CENPW: variants seen among roughly 807,000 people sequenced by gnomAD.
CENPW encodes cancer-up-regulated gene 2 protein.
Under a neutral mutation model 11.1 loss-of-function variants are expected in CENPW, and 3 were observed. The observed-to-expected ratio is 0.27, with a 90% CI of 0.12 to 0.70. The LOEUF is 0.70. CENPW is among the 30% of genes least tolerant of loss of function. The pLI is 0.77. For synonymous variants in CENPW, 38 were observed against 42.0 expected, an observed-to-expected ratio of 0.91 and a Z score of 0.37; for missense variants, 100 against 105.6, an observed-to-expected ratio of 0.95 and a Z score of 0.23.
chr6:126,373,720 C>A, the CENPW span, among the ~76,000 whole-genome samples: 2 of 152,196 alleles, frequency 1.3e-5, no homozygotes, highest in Non-Finnish European at 2.9e-5. Flanking sequence ...GCCTCTTTGG[C>A]CTGCACCTCT....
the CENPW span, among the ~76,000 whole-genome samples, chr6:126,376,680 C>T: frequency 6.6e-6 from 1 of 152,092 alleles, no homozygotes; most frequent in African/African-American, 2.4e-5. Flanking sequence ...TGTGGCTAGT[C>T]ACAAATCATG....
chr6:126,448,802 A>G, the CENPW span, among the ~76,000 whole-genome samples: 1 of 151,068 alleles, frequency 6.6e-6, no homozygotes, highest in Admixed American at 6.6e-5. Flanking sequence ...AAAGAAATAA[A>G]CCAAAAAAAC....
At chr6:126,421,980 A>AC in the CENPW span, among the ~76,000 whole-genome samples, 1 of 152,234 alleles carries the variant, frequency 6.6e-6, no homozygotes, top group South Asian at 2.1e-4. Flanking sequence ...CAGGAAAAAA[A>AC]TTAAGGAAAT....
At chr6:126,360,863 A>G in the CENPW span, among the ~76,000 whole-genome samples, 1 of 152,178 alleles carries the variant, frequency 6.6e-6, no homozygotes, top group African/African-American at 2.4e-5. Flanking sequence ...ACTTTCTGAT[A>G]AATCTCAATG....
the CENPW span, among the ~76,000 whole-genome samples, chr6:126,478,814 CTCTT>C: frequency 6.6e-6 from 1 of 151,966 alleles, no homozygotes; most frequent in East Asian, 1.9e-4. Flanking sequence ...ATCCTCTTGG[CTCTT>C]TCTTACTCTC....
the CENPW span, among the ~76,000 whole-genome samples, chr6:126,441,759 C>T: frequency 6.6e-6 from 1 of 151,616 alleles, no homozygotes; most frequent in Non-Finnish European, 1.5e-5. Context: ...CCAATTCCAT[C>T]CACGTTTCTG....
chr6:126,433,557 G>A, the CENPW span, among the ~76,000 whole-genome samples: 1 of 152,120 alleles, frequency 6.6e-6, no homozygotes, highest in African/African-American at 2.4e-5. Flanking sequence ...TCAGGTATCT[G>A]AAAACTGAAG....
chr6:126,453,716 T>C, the CENPW span, among the ~76,000 whole-genome samples: 1 of 151,080 alleles, frequency 6.6e-6, no homozygotes, highest in Non-Finnish European at 1.5e-5. Flanking sequence ...ATATTAAGCT[T>C]AAATATAAAT....
At chr6:126,445,414 C>T in the CENPW span, among the ~76,000 whole-genome samples, 14 of 151,142 alleles carry the variant, frequency 9.3e-5, no homozygotes, top group Admixed American at 6.6e-4. Context: ...CCTATACTAT[C>T]CTGCTAGAAA....
the CENPW span, among the ~76,000 whole-genome samples, chr6:126,416,787 T>C: frequency 4.6e-5 from 7 of 152,144 alleles, no homozygotes; most frequent in East Asian, 1.3e-3. Context: ...AAAGGATGTA[T>C]GGAAATGCCT....
chr6:126,356,316 C>A, the CENPW span, among the ~76,000 whole-genome samples: 40 of 152,082 alleles, frequency 2.6e-4, no homozygotes, highest in African/African-American at 8.9e-4. Flanking sequence ...ATAAAAAGTT[C>A]AAGAGTAGGT....
At chr6:126,388,852 G>A in the CENPW span, among the ~76,000 whole-genome samples, 1 of 151,924 alleles carries the variant, frequency 6.6e-6, no homozygotes, top group African/African-American at 2.4e-5. Context: ...CTTGAGGGTA[G>A]AACACTTCTT....
At chr6:126,426,453 C>G in the CENPW span, among the ~76,000 whole-genome samples, 1 of 152,032 alleles carries the variant, frequency 6.6e-6, no homozygotes, top group Non-Finnish European at 1.5e-5. Flanking sequence ...GGAGACCACT[C>G]CATGTATCAG....
chr6:126,455,757 TAGAA>T, the CENPW span, among the ~76,000 whole-genome samples: 22 of 151,250 alleles, frequency 1.5e-4, no homozygotes, highest in African/African-American at 4.1e-4. Context: ...AGCATCCAAA[TAGAA>T]AGAGAAGAAG....
the CENPW span, among the ~76,000 whole-genome samples, chr6:126,472,448 A>G: frequency 2.0e-5 from 3 of 152,208 alleles, no homozygotes; most frequent in Non-Finnish European, 2.9e-5. Context: ...TTTACTCTGC[A>G]TAATGAATTG....
chr6:126,441,324 C>A, the CENPW span, among the ~76,000 whole-genome samples: 1 of 151,392 alleles, frequency 6.6e-6, no homozygotes, highest in Non-Finnish European at 1.5e-5. Context: ...TCCTTGGATG[C>A]TCTGTTCCTG....
chr6:126,414,462 G>T, the CENPW span, among the ~76,000 whole-genome samples: 10 of 152,140 alleles, frequency 6.6e-5, no homozygotes, highest in African/African-American at 2.2e-4. Flanking sequence ...ATCTTTTCTC[G>T]TATCAGTGAA....
intron 1 of CENPW, among the ~76,000 whole-genome samples, chr6:126,344,648 CAATG>C (rs1215762364): frequency 2.0e-5 from 3 of 152,142 alleles, no homozygotes; most frequent in Non-Finnish European, 4.4e-5. Flanking sequence ...TTGTGAGAAT[CAATG>C]AAGATAGTGC....
the CENPW span, among the ~76,000 whole-genome samples, chr6:126,442,858 G>C: frequency 2.3e-4 from 35 of 151,192 alleles, no homozygotes; most frequent in East Asian, 6.3e-3. Flanking sequence ...ACAGGGTTGG[G>C]GCCAAGGAAT....
Sources: gnomAD v4.1 joint callset for allele counts (sites outside exome capture counted in the v4.1 genomes callset) on GRCh38, gnomAD v4.1.1 for gene constraint, MANE v1.5 for transcripts, NCBI Gene and HGNC (gene_info 2026-07-23, HGNC 2026-07-21) for gene names.